Variants in ANK3 observed in about 807,000 individuals in gnomAD.
The protein encoded by ANK3 is ankyrin-3.
Under a neutral mutation model 370.9 loss-of-function variants are expected in ANK3, and 57 were observed. The observed-to-expected ratio is 0.15, with a 90% confidence interval of 0.12 to 0.19. The LOEUF (loss-of-function observed/expected upper bound fraction) is 0.19. ANK3 is among the 10% of genes least tolerant of loss of function. The pLI is 1.00. For synonymous variants in ANK3, 1,929 were observed against 1,946.3 expected, an observed-to-expected ratio of 0.99 and a Z score of 0.23; for missense variants, 4,439 against 5,302.1, an observed-to-expected ratio of 0.84 and a Z score of 5.06.
intron 8 of ANK3, among the ~76,000 whole-genome samples, chr10:60,228,332 G>A (rs929938632): frequency 1.2e-4 from 19 of 152,078 alleles, no homozygotes; most frequent in Admixed American, 2.6e-4. Flanking sequence ...TCAAGAGTTC[G>A]AGACCAGCCT....
At chr10:60,137,997 C>T (rs1312384890) in intron 24 of ANK3, among the ~76,000 whole-genome samples, 1 of 151,930 alleles carries the variant, frequency 6.6e-6, no homozygotes, top group African/African-American at 2.4e-5. Flanking sequence ...GACTTTAAGG[C>T]CTTTTATAAA....
chr10:60,275,888 G>A (rs1368946212), intron 4 of ANK3, among the ~76,000 whole-genome samples: 1 of 152,156 alleles, frequency 6.6e-6, no homozygotes, highest in Non-Finnish European at 1.5e-5. Flanking sequence ...ATTTGACTGT[G>A]CAGTTTGAGA....
At chr10:60,111,909 C>G (rs2092740815) in intron 26 of ANK3, 4 of 393,698 alleles carry the variant, frequency 1.0e-5, no homozygotes, top group African/African-American at 2.1e-5. Flanking sequence ...GTGGGACAAC[C>G]TAGAAAAATA....
intron 1 of ANK3, among the ~76,000 whole-genome samples, chr10:60,683,359 A>G (rs894383): frequency 0.67 from 102,073 of 152,052 alleles, 34,415 homozygotes; most frequent in South Asian, 0.83. Context: ...AGCAAGCATG[A>G]GGCTTTTTGG....
intron 1 of ANK3, among the ~76,000 whole-genome samples, chr10:60,647,709 G>C (rs1200522895): frequency 6.6e-6 from 1 of 152,018 alleles, no homozygotes; most frequent in East Asian, 1.9e-4. Context: ...ATAGATATCA[G>C]TTGCACAAGG....
At chr10:60,521,242 C>T (rs945606197) in intron 2 of ANK3, among the ~76,000 whole-genome samples, 1 of 152,040 alleles carries the variant, frequency 6.6e-6, no homozygotes, top group African/African-American at 2.4e-5. Flanking sequence ...AGTCAAGTTG[C>T]AACAGTATAT....
chr10:60,599,287 T>C (rs2078029316), intron 2 of ANK3, among the ~76,000 whole-genome samples: 1 of 152,118 alleles, frequency 6.6e-6, no homozygotes, highest in Non-Finnish European at 1.5e-5. Context: ...GCCCACTAAC[T>C]TGGTAAGCAA....
At chr10:60,361,547 T>G (rs2058609970) in intron 1 of ANK3, among the ~76,000 whole-genome samples, 1 of 152,232 alleles carries the variant, frequency 6.6e-6, no homozygotes, top group South Asian at 2.1e-4. Context: ...ATTTCATCAA[T>G]GTATTATTCC....
intron 2 of ANK3, among the ~76,000 whole-genome samples, chr10:60,588,284 A>C (rs888025342): frequency 1.3e-5 from 2 of 149,822 alleles, no homozygotes; most frequent in African/African-American, 4.9e-5. Context: ...TCCCGGGTTC[A>C]AGCAATTCTT....
chr10:60,273,917 T>A (rs1180704805), intron 4 of ANK3, among the ~76,000 whole-genome samples: 1 of 152,178 alleles, frequency 6.6e-6, no homozygotes, highest in African/African-American at 2.4e-5. Flanking sequence ...GAACTATGAG[T>A]CAATTAAACT....
chr10:60,053,720 C>G (rs1379122358), intron 42 of ANK3: 1 of 1,303,826 alleles, frequency 7.7e-7, no homozygotes, highest in African/African-American at 1.5e-5. Context: ...CGCACCCGGA[C>G]TTTTGACCTG....
chr10:60,338,414 A>G (rs146342683), intron 1 of ANK3, among the ~76,000 whole-genome samples: 1 of 152,332 alleles, frequency 6.6e-6, no homozygotes, highest in East Asian at 1.9e-4. Context: ...ATGTGCATTT[A>G]TAACAAGTTC....
chr10:60,468,992 AGT>A (rs140068743), intron 2 of ANK3, among the ~76,000 whole-genome samples: 3,300 of 27,990 alleles, frequency 0.12, 549 homozygotes, highest in South Asian at 0.16. Flanking sequence ...TACCACTTTT[AGT>A]GTGTATATAT....
At chr10:60,444,550 T>A (rs1595047975) in intron 2 of ANK3, among the ~76,000 whole-genome samples, 1 of 152,104 alleles carries the variant, frequency 6.6e-6, no homozygotes, top group Middle Eastern at 3.4e-3. Context: ...ATTCACCCAC[T>A]TTTCTGCCTT....
intron 42 of ANK3, among the ~76,000 whole-genome samples, chr10:60,047,524 G>A (rs1257732290): frequency 5.9e-5 from 9 of 152,136 alleles, no homozygotes; most frequent in Non-Finnish European, 8.8e-5. Context: ...ACACATATTT[G>A]TATATGTATG....
chr10:60,038,190 A>C (rs2075448367), intron 43 of ANK3, among the ~76,000 whole-genome samples: 1 of 152,186 alleles, frequency 6.6e-6, no homozygotes, highest in African/African-American at 2.4e-5. Context: ...TGAGGTCAGG[A>C]GTTTGAGACC....
At chr10:60,299,685 C>T (rs2043272354) in intron 1 of ANK3, among the ~76,000 whole-genome samples, 1 of 152,118 alleles carries the variant, frequency 6.6e-6, no homozygotes, top group Admixed American at 6.5e-5. Context: ...ATATTTACTC[C>T]CTTTATCTAC....
At chr10:60,133,253 G>T (rs1183096250) in intron 25 of ANK3, among the ~76,000 whole-genome samples, 1 of 152,146 alleles carries the variant, frequency 6.6e-6, no homozygotes, top group Non-Finnish European at 1.5e-5. Context: ...AATATTATAA[G>T]CCACCTTTAA....
chr10:60,149,550 G>A (rs1393305920), intron 23 of ANK3, among the ~76,000 whole-genome samples: 1 of 152,176 alleles, frequency 6.6e-6, no homozygotes, highest in Non-Finnish European at 1.5e-5. Context: ...TTCACAGGCT[G>A]CTCTAGCTGC....
Sources: allele counts gnomAD v4.1 joint callset (sites outside exome capture counted in the v4.1 genomes callset), GRCh38; gene constraint gnomAD v4.1.1; transcripts MANE v1.5; gene names NCBI Gene and HGNC (gene_info 2026-07-23, HGNC 2026-07-21).